Variants in PCDHA2 observed in about 807,000 individuals in gnomAD.
The protein encoded by PCDHA2 is protocadherin alpha 2, also known as protocadherin alpha-2.
Under a neutral mutation model 66.0 loss-of-function variants are expected in PCDHA2, and 58 were observed. The ratio of observed to expected loss-of-function variants is 0.88; its 90% CI spans 0.71 to 1.09. The LOEUF (loss-of-function observed/expected upper bound fraction) is 1.09, where lower values mean the gene tolerates loss of function less well. Ranked by LOEUF, PCDHA2 falls within the 50% of genes least tolerant of loss-of-function variation. The probability of loss-of-function intolerance (pLI) is 0.00; values close to 1 mark genes in which losing one functional copy is unlikely to be tolerated. For missense variants in PCDHA2, 1,267 were observed against 1,242.3 expected (o/e 1.02, Z -0.30); for synonymous variants, 634 against 554.0 (o/e 1.14, Z -2.03).
intron 1 of PCDHA2, among the ~76,000 whole-genome samples, chr5:140,840,883 G>A (rs1212935487): frequency 2.6e-5 from 4 of 151,906 alleles, no homozygotes; most frequent in Non-Finnish European, 5.9e-5. Context: ...TTACATTTCT[G>A]ATATCCATGA....
chr5:141,002,234 C>G (rs2098067276), intron 3 of PCDHA2, among the ~76,000 whole-genome samples: 1 of 152,210 alleles, frequency 6.6e-6, no homozygotes, highest in Non-Finnish European at 1.5e-5. Context: ...TTTCTGGAAG[C>G]TCTTTATTAA....
At chr5:140,818,198 T>G (rs2150100405) in intron 1 of PCDHA2, among the ~76,000 whole-genome samples, 49 of 152,344 alleles carry the variant, frequency 3.2e-4, no homozygotes, top group Non-Finnish European at 6.5e-4. Flanking sequence ...TATAAGTACA[T>G]GTATGTTAAA....
At chr5:140,840,489 C>T (rs2150307286) in intron 1 of PCDHA2, among the ~76,000 whole-genome samples, 6 of 151,924 alleles carry the variant, frequency 3.9e-5, no homozygotes, top group Non-Finnish European at 5.9e-5. Flanking sequence ...AGGCATAATT[C>T]TGGTAAATAC....
At chr5:140,931,057 T>C (rs1554208231) in intron 1 of PCDHA2, among the ~76,000 whole-genome samples, 1 of 152,196 alleles carries the variant, frequency 6.6e-6, no homozygotes, top group Admixed American at 6.5e-5. Context: ...CAATGCTGTG[T>C]CTGGGACTAA....
intron 1 of PCDHA2, chr5:140,926,761 T>G: frequency 7.6e-7 from 1 of 1,323,628 alleles, no homozygotes; most frequent in East Asian, 2.8e-5. Context: ...TCGCTGAGTA[T>G]CCAGCCCGCA....
chr5:140,974,605 G>T (rs2096633635), intron 1 of PCDHA2, among the ~76,000 whole-genome samples: 1 of 152,088 alleles, frequency 6.6e-6, no homozygotes, highest in Non-Finnish European at 1.5e-5. Context: ...TCTGCCTCCA[G>T]GGTTCAAGCG....
At chr5:140,894,068 A>G (rs2064306594) in intron 1 of PCDHA2, among the ~76,000 whole-genome samples, 1 of 152,160 alleles carries the variant, frequency 6.6e-6, no homozygotes, top group Non-Finnish European at 1.5e-5. Context: ...TTTTAAATAC[A>G]TTTATTTTAT....
chr5:140,886,095 T>C (rs1229514130), intron 1 of PCDHA2, among the ~76,000 whole-genome samples: 2 of 152,200 alleles, frequency 1.3e-5, no homozygotes, highest in Non-Finnish European at 2.9e-5. Flanking sequence ...ATATTGACAT[T>C]GATACAGTAA....
chr5:140,929,722 T>G (rs558208996), intron 1 of PCDHA2: 1 of 221,696 alleles, frequency 4.5e-6, no homozygotes, highest in Non-Finnish European at 9.4e-6. Flanking sequence ...AGGTGAAACA[T>G]TTACTTAAAC....
intron 1 of PCDHA2, among the ~76,000 whole-genome samples, chr5:140,896,089 G>A (rs13174119): frequency 0.32 from 48,051 of 152,038 alleles, 7,939 homozygotes; most frequent in East Asian, 0.53. Flanking sequence ...GGGATTACAG[G>A]CGTGAGCCAC....
chr5:140,839,514 C>G (rs544251517), intron 1 of PCDHA2, among the ~76,000 whole-genome samples: 6 of 151,964 alleles, frequency 3.9e-5, no homozygotes, highest in Non-Finnish European at 8.8e-5. Flanking sequence ...CTCAGCCTCT[C>G]AAGTTGCTGG....
chr5:140,835,556 C>CTG, intron 1 of PCDHA2: 8 of 1,613,914 alleles, frequency 5.0e-6, no homozygotes, highest in African/African-American at 1.3e-5. Flanking sequence ...CCCTGACGCC[C>CTG]CGCGTTCCCT....
chr5:140,942,391 G>A (rs901640537), intron 1 of PCDHA2, among the ~76,000 whole-genome samples: 1 of 151,546 alleles, frequency 6.6e-6, no homozygotes, highest in Non-Finnish European at 1.5e-5. Context: ...CAGCCTGGGC[G>A]ACAGATGAGA....
At chr5:140,863,405 C>T (rs1554158176) in intron 1 of PCDHA2, 11 of 799,522 alleles carry the variant, frequency 1.4e-5, no homozygotes, top group Non-Finnish European at 2.3e-5. Context: ...GGCAAGCCCA[C>T]GCTGGTGTAC....
Position 140,823,152 on chromosome 5 carries a change from T to C in PCDHA2, c.2388+25800T>C, listed in dbSNP as rs148475115. On this transcript the variant is annotated intron_variant, in intron 1 of 3. Transcript: ENST00000526136. ...CTCCGGCGTTCGCGCAGCCCCAGTA[T>C]ACCGTGTTCGTGAAGGAGAACAACC... 6.2e-6 allele frequency: 10 copies of C among 1,613,648 alleles called. No homozygotes were observed. In the African/African-American group the frequency reaches 8.0e-5, roughly 13 times the overall value.
chr5:140,928,424 C>A, intron 1 of PCDHA2: 1 of 1,614,184 alleles, frequency 6.2e-7, no homozygotes, highest in Non-Finnish European at 8.5e-7. Context: ...ACTGCCAAAA[C>A]TTCCTTTGAC....
At chr5:140,969,294 T>C in intron 1 of PCDHA2, 2 of 1,614,212 alleles carry the variant, frequency 1.2e-6, no homozygotes, top group Non-Finnish European at 1.7e-6. Context: ...GCTGGGAACC[T>C]GATTATTCTC....
chr5:140,820,833 A>G (rs1554127932), intron 1 of PCDHA2, among the ~76,000 whole-genome samples: 2 of 152,094 alleles, frequency 1.3e-5, no homozygotes. Context: ...TTTATCAGTA[A>G]TAGCAACTTG....
chr5:140,931,626 A>G (rs1048704969), intron 1 of PCDHA2, among the ~76,000 whole-genome samples: 1 of 152,052 alleles, frequency 6.6e-6, no homozygotes, highest in Non-Finnish European at 1.5e-5. Flanking sequence ...CTTTTTAGGT[A>G]GCTCATTGGT....
Sources: gnomAD v4.1 joint callset for allele counts (sites outside exome capture counted in the v4.1 genomes callset) on GRCh38, gnomAD v4.1.1 for gene constraint, MANE v1.5 for transcripts, NCBI Gene and HGNC (gene_info 2026-07-23, HGNC 2026-07-21) for gene names.